Variants in OMA1 observed in about 807,000 individuals in gnomAD.
OMA1 encodes metalloendopeptidase OMA1, mitochondrial.
In OMA1, 38 loss-of-function variants were observed where a neutral mutation model predicts 30.9. That is an observed-to-expected ratio of 1.23 (90% CI 0.95 to 1.61). The LOEUF (loss-of-function observed/expected upper bound fraction) is 1.61, where lower values mean the gene tolerates loss of function less well. OMA1 is among the 40% of genes most tolerant of loss of function. OMA1 has a pLI of 0.00. For missense variants in OMA1, 461 were observed against 349.2 expected (o/e 1.32, Z -2.55); for synonymous variants, 173 against 121.9 (o/e 1.42, Z -2.76).
chr1:58,527,484 T>C (rs1301143470), intron 6 of OMA1, 149 bp from the exon 7 acceptor site: 2 of 579,828 alleles, frequency 3.4e-6, no homozygotes, highest in Non-Finnish European at 6.2e-6. Context: ...CTCCATGATA[T>C]AAAATATAAA....
chr1:58,500,681 C>T (rs1645892162), intron 8 of OMA1, among the ~76,000 whole-genome samples: 1 of 152,072 alleles, frequency 6.6e-6, no homozygotes, highest in Non-Finnish European at 1.5e-5. Context: ...TGACTATAAA[C>T]ATAACCATAA....
chr1:58,506,108 G>T lies in OMA1; in HGVS notation c.1317C>A (p.His439Gln). The change falls in exon 8 of 9, where the codon CAC (histidine) becomes CAA (glutamine). Residue 439 changes from histidine (H) to glutamine (Q), a missense_variant. Physicochemically the swap from His to Gln is conservative, Grantham distance 24 (BLOSUM62 0). Coordinates refer to ENST00000371226, the MANE Select transcript of OMA1 (RefSeq NM_145243.5). ...ACTCAACTCGATTGCCATGAGAAGG[G>T]TGTGTAGATAACCATTCTGGCATCT... ...QPKMPEWLST[H>Q]PSHGNRVEYL... 1 of 872,312 alleles carries T rather than the reference G, an allele frequency of 1.1e-6. No individual in the cohort carries two copies. Among genetic ancestry groups the T allele is most frequent in the South Asian group, 1.3e-5 (1 of 76,504 alleles). 54.0% of individuals were successfully genotyped at this position (872,312 alleles called of 1,614,324 possible).
intron 8 of OMA1, among the ~76,000 whole-genome samples, chr1:58,497,164 A>C (rs972764089): frequency 3.3e-5 from 5 of 152,232 alleles, no homozygotes; most frequent in Non-Finnish European, 7.3e-5. Context: ...AATCAAGTTA[A>C]TCCAGAATCT....
chr1:58,533,771 G>A (rs1319086876), intron 5 of OMA1, among the ~76,000 whole-genome samples, 182 bp downstream of exon 5: 1 of 151,962 alleles, frequency 6.6e-6, no homozygotes, highest in Non-Finnish European at 1.5e-5. Flanking sequence ...AAATACTAAA[G>A]ACCATAAAAA....
intron 8 of OMA1, among the ~76,000 whole-genome samples, chr1:58,482,086 A>G (rs1418737860): frequency 6.6e-6 from 1 of 152,244 alleles, no homozygotes; most frequent in Admixed American, 6.5e-5. Flanking sequence ...TATGGGGCTC[A>G]GCTATGACTA....
intron 7 of OMA1, among the ~76,000 whole-genome samples, chr1:58,522,715 A>C (rs962899336): frequency 1.3e-5 from 2 of 152,244 alleles, no homozygotes; most frequent in Non-Finnish European, 2.9e-5. Context: ...AACACAGTAA[A>C]TTAACATGTT....
intron 7 of OMA1, among the ~76,000 whole-genome samples, chr1:58,526,238 T>A (rs1646347892): frequency 6.6e-6 from 1 of 152,084 alleles, no homozygotes; most frequent in Non-Finnish European, 1.5e-5. Context: ...CGCAGTCTGA[T>A]AATTCACTTA....
intron 1 of OMA1, among the ~76,000 whole-genome samples, chr1:58,540,052 T>C (rs1646581883): frequency 6.6e-6 from 1 of 152,096 alleles, no homozygotes; most frequent in Non-Finnish European, 1.5e-5. Context: ...CTGAAAAGAT[T>C]GCAGGGAATA....
chr1:58,538,390 T>C (rs1298537207), intron 2 of OMA1, among the ~76,000 whole-genome samples: 1 of 152,120 alleles, frequency 6.6e-6, no homozygotes, highest in African/African-American at 2.4e-5. Flanking sequence ...TGCCTTAAAT[T>C]CCACAAATTA....
intron 6 of OMA1, 48 bp from the exon 7 acceptor site, chr1:58,527,383 A>G (rs925366250): frequency 1.2e-6 from 1 of 841,344 alleles, no homozygotes. Flanking sequence ...TTATTTCACG[A>G]AAAAAGGAGT....
rs770079506 is a variant in OMA1, at chr1:58,527,347, T to G, written c.1141-12A>C. ...CTATTAAACATATACTAAGAAGAAA[T>G]GACAGAAAAGCTCCATTAAGACAAT... On this transcript the variant is annotated splice_polypyrimidine_tract_variant and intron_variant, in intron 6 of 8. Coordinates refer to ENST00000371226, the MANE Select transcript of OMA1 (RefSeq NM_145243.5). 1.1e-6 allele frequency: 1 copy of G among 870,668 alleles called. No individual in the cohort carries two copies. The highest frequency in any genetic ancestry group is 1.3e-5 in the South Asian group (1 of 76,434). The allele number at this position is 870,668 out of a possible 1,614,324, so 53.9% of individuals were successfully genotyped here. A position where few individuals can be genotyped will look rare whatever the true frequency, so the allele number is the denominator to read the frequency against.
At chr1:58,523,374 A>C (rs1646297093) in intron 7 of OMA1, among the ~76,000 whole-genome samples, 1 of 152,174 alleles carries the variant, frequency 6.6e-6, no homozygotes, top group South Asian at 2.1e-4. Context: ...TGGAATCTTC[A>C]GTGGTGTAAA....
intron 8 of OMA1, among the ~76,000 whole-genome samples, chr1:58,497,342 C>T (rs1645821016): frequency 6.6e-6 from 1 of 152,072 alleles, no homozygotes; most frequent in Non-Finnish European, 1.5e-5. Flanking sequence ...AACTGTAACA[C>T]TGCTGAGATA....
chr1:58,532,273 T>C (rs528556194), intron 5 of OMA1, among the ~76,000 whole-genome samples: 1 of 152,320 alleles, frequency 6.6e-6, no homozygotes, highest in East Asian at 1.9e-4. Flanking sequence ...GTTCTATTTT[T>C]AAGGCTGCTG....
intron 7 of OMA1, among the ~76,000 whole-genome samples, chr1:58,519,697 C>A (rs145661916): frequency 6.6e-6 from 1 of 151,870 alleles, no homozygotes; most frequent in African/African-American, 2.4e-5. Flanking sequence ...ACAACAGAAA[C>A]GGACCCAGCT....
chr1:58,499,483 T>C (rs554304707), intron 8 of OMA1, among the ~76,000 whole-genome samples: 1 of 147,292 alleles, frequency 6.8e-6, no homozygotes, highest in Non-Finnish European at 1.5e-5. Flanking sequence ...AGACTATAGA[T>C]AGATAGATAG....
At chr1:58,530,482 A>G in intron 6 of OMA1, 119 bp downstream of exon 6, 1 of 612,214 alleles carries the variant, frequency 1.6e-6, no homozygotes, top group Non-Finnish European at 2.8e-6. Context: ...GACACTAAAA[A>G]TTCGTACCCA....
intron 7 of OMA1, among the ~76,000 whole-genome samples, chr1:58,525,541 T>C (rs951933007): frequency 6.6e-6 from 1 of 151,958 alleles, no homozygotes; most frequent in African/African-American, 2.4e-5. Flanking sequence ...TACAAAAAAA[T>C]TTCAAAACAT....
chr1:58,488,221 T>C (rs1350403495), intron 8 of OMA1, among the ~76,000 whole-genome samples: 1 of 152,220 alleles, frequency 6.6e-6, no homozygotes, highest in Non-Finnish European at 1.5e-5. Flanking sequence ...TTGCTTTACA[T>C]GTGCGGAATT....
Sources: gnomAD v4.1 joint callset for allele counts (sites outside exome capture counted in the v4.1 genomes callset) on GRCh38, gnomAD v4.1.1 for gene constraint, MANE v1.5 for transcripts, NCBI Gene and HGNC (gene_info 2026-07-23, HGNC 2026-07-21) for gene names.